AGMO: variants seen among roughly 807,000 people sequenced by gnomAD.
AGMO encodes alkylglycerol monooxygenase, also known as glyceryl-ether monooxygenase.
In AGMO, 75 loss-of-function variants were observed where a neutral mutation model predicts 60.2. That is an observed-to-expected ratio of 1.25 (90% CI 1.03 to 1.51). The LOEUF is 1.51. Ranked by LOEUF, AGMO falls within the 40% of genes most tolerant of loss-of-function variation. The pLI is 0.00. For missense variants in AGMO, 763 were observed against 525.5 expected, an observed-to-expected ratio of 1.45 and a Z score of -4.42; for synonymous variants, 261 against 177.1, an observed-to-expected ratio of 1.47 and a Z score of -3.76.
At chr7:15,287,957 A>G (rs1400770274) in intron 12 of AGMO, among the ~76,000 whole-genome samples, 1 of 152,220 alleles carries the variant, frequency 6.6e-6, no homozygotes, top group Non-Finnish European at 1.5e-5. Flanking sequence ...CTTGACTCTC[A>G]GATTAATTTG....
intron 2 of AGMO, among the ~76,000 whole-genome samples, chr7:15,546,134 A>G (rs1186836511): frequency 6.6e-6 from 1 of 152,148 alleles, no homozygotes; most frequent in Non-Finnish European, 1.5e-5. Flanking sequence ...TAATTATTGT[A>G]TGACTTTAAC....
chr7:15,282,331 T>G (rs1783991422), intron 12 of AGMO, among the ~76,000 whole-genome samples: 2 of 151,886 alleles, frequency 1.3e-5, no homozygotes, highest in African/African-American at 4.8e-5. Context: ...AGAAAAATGA[T>G]TCAGAATATG....
At chr7:15,492,866 G>T (rs1783104752) in intron 3 of AGMO, among the ~76,000 whole-genome samples, 1 of 152,088 alleles carries the variant, frequency 6.6e-6, no homozygotes, top group African/African-American at 2.4e-5. Flanking sequence ...CGCGCGTTGG[G>T]TTATCTTACC....
chr7:15,185,217 T>C, the AGMO span, among the ~76,000 whole-genome samples: 1 of 152,170 alleles, frequency 6.6e-6, no homozygotes, highest in African/African-American at 2.4e-5. Context: ...TCCATTTCAG[T>C]TAAATATTGA....
chr7:15,333,302 G>C (rs558968509), intron 12 of AGMO, among the ~76,000 whole-genome samples: 1 of 152,194 alleles, frequency 6.6e-6, no homozygotes, highest in South Asian at 2.1e-4. Context: ...AAAAGGCTTC[G>C]TGTGTACTAT....
At chr7:15,347,924 C>T (rs1782092575) in intron 12 of AGMO, among the ~76,000 whole-genome samples, 1 of 151,946 alleles carries the variant, frequency 6.6e-6, no homozygotes, top group Non-Finnish European at 1.5e-5. Context: ...GAGACTAGCC[C>T]TATCTTTATG....
chr7:15,300,532 A>G (rs1784535661), intron 12 of AGMO, among the ~76,000 whole-genome samples: 1 of 152,216 alleles, frequency 6.6e-6, no homozygotes, highest in Non-Finnish European at 1.5e-5. Flanking sequence ...AATGCTTGCT[A>G]CAGTTATTTT....
At chr7:15,266,221 T>C (rs1783427892) in intron 12 of AGMO, among the ~76,000 whole-genome samples, 1 of 152,014 alleles carries the variant, frequency 6.6e-6, no homozygotes, top group African/African-American at 2.4e-5. Context: ...AGGTATTGTT[T>C]AATAGGGAAT....
intron 12 of AGMO, among the ~76,000 whole-genome samples, chr7:15,251,768 CG>C (rs1782945281): frequency 6.6e-6 from 1 of 152,106 alleles, no homozygotes; most frequent in African/African-American, 2.4e-5. Context: ...AAGTGAGGCA[CG>C]GGGGGCAAGT....
intron 12 of AGMO, among the ~76,000 whole-genome samples, chr7:15,300,975 A>G (rs1306207963): frequency 2.0e-5 from 3 of 152,200 alleles, no homozygotes; most frequent in Non-Finnish European, 2.9e-5. Flanking sequence ...TCTCTCTTAA[A>G]TAGACACACA....
At chr7:15,283,725 C>A (rs940931861) in intron 12 of AGMO, among the ~76,000 whole-genome samples, 2 of 151,950 alleles carry the variant, frequency 1.3e-5, no homozygotes, top group Non-Finnish European at 2.9e-5. Context: ...TCTAGAACAA[C>A]TGGACCTAAG....
chr7:15,267,144 G>C (rs1346610118), intron 12 of AGMO, among the ~76,000 whole-genome samples: 1 of 151,970 alleles, frequency 6.6e-6, no homozygotes, highest in Non-Finnish European at 1.5e-5. Flanking sequence ...AATCCCTTGT[G>C]ACTTAGTTAA....
chr7:15,169,193 CT>C, the AGMO span, among the ~76,000 whole-genome samples: 2 of 152,138 alleles, frequency 1.3e-5, no homozygotes, highest in Admixed American at 6.5e-5. Context: ...CAAACTGTTC[CT>C]ATAAAGGGCT....
At chr7:15,331,545 T>C (rs554520341) in intron 12 of AGMO, among the ~76,000 whole-genome samples, 1 of 152,190 alleles carries the variant, frequency 6.6e-6, no homozygotes, top group African/African-American at 2.4e-5. Flanking sequence ...GTAAAGATTT[T>C]TGCACTCTGC....
chr7:15,485,316 G>C (rs1390893006), intron 3 of AGMO, among the ~76,000 whole-genome samples: 3 of 147,458 alleles, frequency 2.0e-5, no homozygotes, highest in African/African-American at 7.5e-5. Context: ...GATTCTGTTT[G>C]AAAAAAAAAG....
intron 3 of AGMO, among the ~76,000 whole-genome samples, chr7:15,525,708 T>C (rs1474276317): frequency 6.6e-6 from 1 of 152,012 alleles, no homozygotes; most frequent in Admixed American, 6.5e-5. Flanking sequence ...CGGGTAAGGG[T>C]AGCCGCCCCA....
chr7:15,462,622 C>A (rs1782172260), intron 3 of AGMO, among the ~76,000 whole-genome samples: 1 of 152,164 alleles, frequency 6.6e-6, no homozygotes, highest in Non-Finnish European at 1.5e-5. Context: ...TGCCCTAAAT[C>A]TATCTACATT....
chr7:15,283,089 T>G (rs191573747), intron 12 of AGMO, among the ~76,000 whole-genome samples: 2 of 152,074 alleles, frequency 1.3e-5, no homozygotes, highest in African/African-American at 4.8e-5. Context: ...CTAAAAGTAG[T>G]TCTAAATGTT....
chr7:15,381,189 T>G (rs1783669884), intron 10 of AGMO, among the ~76,000 whole-genome samples: 1 of 152,008 alleles, frequency 6.6e-6, no homozygotes, highest in Admixed American at 6.6e-5. Context: ...GGGATCTAAT[T>G]AAACTGAAGA....
Sources: gnomAD v4.1 joint callset for allele counts (sites outside exome capture counted in the v4.1 genomes callset) on GRCh38, gnomAD v4.1.1 for gene constraint, MANE v1.5 for transcripts, NCBI Gene and HGNC (gene_info 2026-07-23, HGNC 2026-07-21) for gene names.